The following LRP1B variants were observed in gnomAD, a reference collection of about 807,000 sequenced individuals.
LRP1B encodes low-density lipoprotein receptor-related protein 1B.
In LRP1B, 217 loss-of-function variants were observed where a neutral mutation model predicts 556.6. That is an observed-to-expected ratio of 0.39 (90% CI 0.35 to 0.44). The LOEUF is 0.44. Among genes scored for constraint, LRP1B ranks in the 20% least tolerant of loss-of-function variants. LRP1B has a pLI of 1.00. For synonymous variants in LRP1B, 2,047 were observed against 1,865.8 expected, an observed-to-expected ratio of 1.10 and a Z score of -2.50; for missense variants, 5,053 against 5,620.8, an observed-to-expected ratio of 0.90 and a Z score of 3.23.
intron 1 of LRP1B, among the ~76,000 whole-genome samples, chr2:141,904,442 G>T (rs1444288308): frequency 1.3e-5 from 2 of 151,908 alleles, no homozygotes; most frequent in Non-Finnish European, 2.9e-5. Flanking sequence ...TGTCCCATTT[G>T]CTAAAATGAG....
chr2:140,748,699 C>T (rs1688440374), intron 35 of LRP1B, among the ~76,000 whole-genome samples: 1 of 114,726 alleles, frequency 8.7e-6, no homozygotes, highest in Admixed American at 1.1e-4. Context: ...TTTTTTAAGT[C>T]CTATGTATAT....
chr2:141,400,690 A>T (rs1012171537), intron 3 of LRP1B, among the ~76,000 whole-genome samples: 4 of 152,126 alleles, frequency 2.6e-5, no homozygotes, highest in Non-Finnish European at 5.9e-5. Context: ...TTATTTTTTT[A>T]AAAAATCAGT....
At chr2:142,008,969 G>T (rs966444103) in intron 1 of LRP1B, among the ~76,000 whole-genome samples, 2 of 152,092 alleles carry the variant, frequency 1.3e-5, no homozygotes, top group Non-Finnish European at 2.9e-5. Context: ...AACCCTGTTA[G>T]GTTGCTGAAG....
intron 63 of LRP1B, among the ~76,000 whole-genome samples, chr2:140,446,850 T>C (rs745486518): frequency 6.6e-6 from 1 of 151,876 alleles, no homozygotes; most frequent in Non-Finnish European, 1.5e-5. Flanking sequence ...TTAAAAAACT[T>C]ATGTACAAAA....
intron 7 of LRP1B, among the ~76,000 whole-genome samples, chr2:141,069,768 T>C (rs188405904): frequency 2.0e-5 from 3 of 152,192 alleles, no homozygotes; most frequent in African/African-American, 7.2e-5. Context: ...CTGTCTTAGA[T>C]AATATCAGAA....
intron 21 of LRP1B, among the ~76,000 whole-genome samples, chr2:140,911,891 C>T (rs905207893): frequency 2.6e-5 from 4 of 151,830 alleles, no homozygotes; most frequent in Admixed American, 1.3e-4. Flanking sequence ...CAATATCAAT[C>T]TTTTAGAGTC....
chr2:140,251,831 A>G, intron 86 of LRP1B, among the ~76,000 whole-genome samples: 1 of 151,724 alleles, frequency 6.6e-6, no homozygotes, highest in Non-Finnish European at 1.5e-5. Context: ...AGTTTATGCA[A>G]AAGGATTTTG....
intron 18 of LRP1B, among the ~76,000 whole-genome samples, chr2:140,964,427 G>A (rs1272389223): frequency 2.6e-5 from 4 of 152,068 alleles, no homozygotes; most frequent in South Asian, 2.1e-4. Context: ...CCCCTTTCCC[G>A]GTCTGCTAAG....
intron 1 of LRP1B, among the ~76,000 whole-genome samples, chr2:142,002,036 ATTAC>A (rs1702671297): frequency 6.6e-6 from 1 of 152,186 alleles, no homozygotes; most frequent in East Asian, 1.9e-4. Flanking sequence ...AAGGAAAATA[ATTAC>A]TTAACCTTAG....
At chr2:140,557,993 G>A (rs1016195844) in intron 43 of LRP1B, among the ~76,000 whole-genome samples, 1 of 152,126 alleles carries the variant, frequency 6.6e-6, no homozygotes, top group African/African-American at 2.4e-5. Context: ...CATATTAGGC[G>A]CTCAACAAAT....
intron 23 of LRP1B, among the ~76,000 whole-genome samples, chr2:140,901,875 T>A (rs1207751319): frequency 6.6e-6 from 1 of 152,054 alleles, no homozygotes; most frequent in Non-Finnish European, 1.5e-5. Flanking sequence ...GAAGAGATAT[T>A]CCCCCACAGA....
At chr2:140,842,318 G>T (rs1573791740) in intron 29 of LRP1B, among the ~76,000 whole-genome samples, 1 of 152,282 alleles carries the variant, frequency 6.6e-6, no homozygotes, top group Non-Finnish European at 1.5e-5. Context: ...TTAAAGTGCA[G>T]TATTTGAATG....
rs61546077 is a variant in LRP1B, at chr2:140,922,478, A to C, written c.3319+487T>G. On this transcript the variant is annotated intron_variant, in intron 21 of 90. Coordinates refer to ENST00000389484, the MANE Select transcript of LRP1B (RefSeq NM_018557.3). ...ACAGTAACATTTAGGAAATTAGTTG[A>C]AAATAAATACATATAATTCTATCTT... is the stretch of plus-strand genomic sequence containing the variant. Among the ~76,000 whole-genome samples, 649 of 152,120 alleles carry C rather than the reference A, an allele frequency of 4.3e-3. 5 individuals are homozygous for C. The highest frequency in any genetic ancestry group is 0.015 in the African/African-American group (615 of 41,554).
chr2:141,472,813 T>C (rs932313082), intron 3 of LRP1B, among the ~76,000 whole-genome samples: 1 of 152,070 alleles, frequency 6.6e-6, no homozygotes, highest in Non-Finnish European at 1.5e-5. Context: ...ACACCATTTG[T>C]AAAAATTTAC....
intron 2 of LRP1B, among the ~76,000 whole-genome samples, chr2:141,563,165 C>G (rs1025227126): frequency 4.6e-5 from 7 of 151,964 alleles, no homozygotes; most frequent in African/African-American, 1.7e-4. Flanking sequence ...GCATGGCAGA[C>G]AGAGTAGTTC....
At chr2:140,826,967 C>G (rs1320874432) in intron 31 of LRP1B, among the ~76,000 whole-genome samples, 1 of 152,172 alleles carries the variant, frequency 6.6e-6, no homozygotes, top group Non-Finnish European at 1.5e-5. Context: ...CCCAGCCAGT[C>G]TCCTACAGAG....
chr2:141,544,408 CCTCCTTCTCCTCCTT>C (rs1356830422), intron 2 of LRP1B, among the ~76,000 whole-genome samples: 3 of 81,656 alleles, frequency 3.7e-5, no homozygotes, highest in Admixed American at 1.4e-4. Flanking sequence ...TCCTCCTCCT[CCTCCTTCTCCTCCTT>C]CTCCTCCTTC....
chr2:140,785,194 T>C (rs768350955), intron 32 of LRP1B, among the ~76,000 whole-genome samples: 6 of 152,192 alleles, frequency 3.9e-5, no homozygotes, highest in African/African-American at 1.2e-4. Context: ...TGGATTTCCA[T>C]ACTCAATTAA....
intron 18 of LRP1B, among the ~76,000 whole-genome samples, chr2:140,957,088 G>C (rs1160724165): frequency 6.6e-6 from 1 of 151,618 alleles, no homozygotes; most frequent in African/African-American, 2.4e-5. Context: ...ATACAATTAA[G>C]TGATTTTAAT....
Sources: gnomAD v4.1 joint callset for allele counts (sites outside exome capture counted in the v4.1 genomes callset) on GRCh38, gnomAD v4.1.1 for gene constraint, MANE v1.5 for transcripts, NCBI Gene and HGNC (gene_info 2026-07-23, HGNC 2026-07-21) for gene names.